The following CYRIB variants were observed in gnomAD, a reference collection of about 807,000 sequenced individuals.
CYRIB encodes the protein CYFIP-related Rac1 interactor B.
CYRIB carries 8 observed loss-of-function variants against 44.2 expected under a neutral mutation model. That is an observed-to-expected ratio of 0.18 (90% CI 0.11 to 0.33). The LOEUF is 0.33. CYRIB is among the 10% of genes least tolerant of loss of function. The pLI, the probability that CYRIB is intolerant of heterozygous loss-of-function variation, is 1.00. For synonymous variants in CYRIB, 131 were observed against 127.2 expected (o/e 1.03, Z -0.20); for missense variants, 185 against 382.8 (o/e 0.48, Z 4.31).
chr8:129,938,865 A>G (rs2130398456), intron 1 of CYRIB, among the ~76,000 whole-genome samples: 1 of 152,294 alleles, frequency 6.6e-6, no homozygotes, highest in East Asian at 1.9e-4. Flanking sequence ...GTTAAAACAC[A>G]TACACACACA....
chr8:129,863,958 C>T (rs75460194), intron 4 of CYRIB, among the ~76,000 whole-genome samples: 1,641 of 152,290 alleles, frequency 0.011, 15 homozygotes, highest in Non-Finnish European at 0.016. Context: ...GGTTATATGA[C>T]ATGTCTCAAT....
intron 4 of CYRIB, among the ~76,000 whole-genome samples, chr8:129,868,928 T>G (rs2724841): frequency 2.1e-5 from 3 of 141,078 alleles, no homozygotes; most frequent in Non-Finnish European, 3.0e-5. Context: ...CTGGGCACAG[T>G]GGCTCATACC....
At chr8:129,999,192 G>A (rs577546067) in intron 1 of CYRIB, among the ~76,000 whole-genome samples, 2 of 152,268 alleles carry the variant, frequency 1.3e-5, no homozygotes, top group East Asian at 1.9e-4. Context: ...CCCAGCTGCC[G>A]CCAAGTAGGC....
chr8:129,848,559 G>C (rs920393985), intron 10 of CYRIB, among the ~76,000 whole-genome samples: 1 of 152,062 alleles, frequency 6.6e-6, no homozygotes, highest in Non-Finnish European at 1.5e-5. Flanking sequence ...TTTTCCACTG[G>C]AGCATCCTAC....
chr8:129,895,485 C>A (rs545947033), intron 2 of CYRIB, among the ~76,000 whole-genome samples: 1 of 148,924 alleles, frequency 6.7e-6, no homozygotes, highest in South Asian at 2.1e-4. Flanking sequence ...TTGCCTTATT[C>A]TTGCCCTTTT....
intron 2 of CYRIB, among the ~76,000 whole-genome samples, chr8:129,956,834 C>A (rs1321764618): frequency 7.2e-6 from 1 of 139,636 alleles, no homozygotes; most frequent in Admixed American, 7.1e-5. Flanking sequence ...CCTCCCTCCC[C>A]CCAGCCTCTC....
chr8:129,853,153 C>A (rs1180027344), intron 7 of CYRIB, among the ~76,000 whole-genome samples: 4 of 152,072 alleles, frequency 2.6e-5, no homozygotes, highest in Non-Finnish European at 5.9e-5. Context: ...TTGGATTTTA[C>A]CTGTAATTAT....
At chr8:129,936,235 C>T (rs1471423004) in intron 1 of CYRIB, among the ~76,000 whole-genome samples, 1 of 152,156 alleles carries the variant, frequency 6.6e-6, no homozygotes, top group Non-Finnish European at 1.5e-5. Flanking sequence ...CAACGTCTCC[C>T]ACTTGGGAGT....
intron 1 of CYRIB, among the ~76,000 whole-genome samples, chr8:130,011,620 A>G (rs750473628): frequency 1.3e-5 from 2 of 151,984 alleles, no homozygotes; most frequent in Non-Finnish European, 2.9e-5. Context: ...GATTGAGACC[A>G]TCCTAGCAAA....
chr8:130,012,300 C>T (rs2097242485), intron 1 of CYRIB, among the ~76,000 whole-genome samples: 1 of 152,188 alleles, frequency 6.6e-6, no homozygotes, highest in Non-Finnish European at 1.5e-5. Context: ...TCAGCGGAAG[C>T]GCCACACAAA....
rs1323481740 is a variant in CYRIB, at chr8:129,897,880, C to G, written c.-11+5432G>C. ...TCCTGGGTTCAAGTGATTCTCCTGCCTCAGCCTCCCAAGTAGCTGGAATTA... is the reference window on the plus strand; with the variant it reads ...TCCTGGGTTCAAGTGATTCTCCTGCGTCAGCCTCCCAAGTAGCTGGAATTA... On this transcript the variant is annotated intron_variant, in intron 2 of 11. Transcript: ENST00000519824. 2.0e-5 allele frequency among the ~76,000 whole-genome samples: 3 copies of G among 152,034 alleles called. No individual in the cohort carries two copies. The East Asian group carries it at 5.8e-4, about 29-fold the overall frequency.
At chr8:129,885,201 A>T (rs1183988380) in intron 2 of CYRIB, among the ~76,000 whole-genome samples, 1 of 152,134 alleles carries the variant, frequency 6.6e-6, no homozygotes, top group Admixed American at 6.5e-5. Flanking sequence ...TTTTCCCATG[A>T]CTGGCTTCTT....
intron 5 of CYRIB, among the ~76,000 whole-genome samples, chr8:129,860,124 T>C (rs753722165): frequency 2.6e-5 from 4 of 152,226 alleles, no homozygotes; most frequent in Non-Finnish European, 4.4e-5. Flanking sequence ...TGTGTCTTCA[T>C]AGTTGCATGC....
intron 1 of CYRIB, among the ~76,000 whole-genome samples, chr8:130,004,754 G>A (rs1372562936): frequency 2.0e-5 from 3 of 147,842 alleles, no homozygotes; most frequent in African/African-American, 7.5e-5. Context: ...TCGGGAGATT[G>A]TCAGGAATTT....
At chr8:129,893,112 A>T (rs1478003920) in intron 2 of CYRIB, among the ~76,000 whole-genome samples, 1 of 152,242 alleles carries the variant, frequency 6.6e-6, no homozygotes, top group Non-Finnish European at 1.5e-5. Context: ...CCCAACAAAA[A>T]AGCTTAGAAT....
intron 1 of CYRIB, among the ~76,000 whole-genome samples, chr8:130,002,388 G>C (rs557575164): frequency 6.6e-6 from 1 of 152,044 alleles, no homozygotes; most frequent in African/African-American, 2.4e-5. Context: ...CTGAGCCAGA[G>C]AGGTCGAGGC....
chr8:129,943,592 C>CTTTTTTT (rs1172470025), upstream of CYRIB, among the ~76,000 whole-genome samples: 1 of 96,188 alleles, frequency 1.0e-5, no homozygotes, highest in Non-Finnish European at 1.9e-5. Flanking sequence ...GAGACTCCAT[C>CTTTTTTT]TTTTTTTTTT....
intron 2 of CYRIB, among the ~76,000 whole-genome samples, chr8:129,953,625 A>G (rs1429443108): frequency 6.6e-6 from 1 of 152,204 alleles, no homozygotes; most frequent in East Asian, 1.9e-4. Flanking sequence ...CTGTATCCCC[A>G]GTGAGAGCAC....
At chr8:129,981,296 C>T (rs554705718) in intron 1 of CYRIB, among the ~76,000 whole-genome samples, 74 of 152,274 alleles carry the variant, frequency 4.9e-4, no homozygotes, top group African/African-American at 1.7e-3. Context: ...CATGCCACCA[C>T]GCCTTGCTAA....
Sources: allele counts gnomAD v4.1 joint callset (sites outside exome capture counted in the v4.1 genomes callset), GRCh38; gene constraint gnomAD v4.1.1; transcripts MANE v1.5; gene names NCBI Gene and HGNC (gene_info 2026-07-23, HGNC 2026-07-21).